PABPN1L: variants seen among roughly 807,000 people sequenced by gnomAD.
The protein encoded by PABPN1L is PABPN1 like, cytoplasmic.
Under a neutral mutation model 34.0 loss-of-function variants are expected in PABPN1L, and 45 were observed. The ratio of observed to expected loss-of-function variants is 1.32; its 90% CI spans 1.04 to 1.70. The LOEUF is 1.70. Among genes scored for constraint, PABPN1L ranks in the 40% most tolerant of loss-of-function variants. The probability of loss-of-function intolerance (pLI) is 0.00; values close to 1 mark genes in which losing one functional copy is unlikely to be tolerated. For missense variants in PABPN1L, 459 were observed against 367.8 expected (o/e 1.25, Z -2.03); for synonymous variants, 182 against 152.1 (o/e 1.20, Z -1.45).
intron 3 of PABPN1L, 53 bp from the exon 4 acceptor site, chr16:88,865,181 G>A (rs1597640358): frequency 2.0e-6 from 3 of 1,530,272 alleles, no homozygotes; most frequent in Non-Finnish European, 2.7e-6. Flanking sequence ...CCTGACTCGG[G>A]GCCTTCTTGT....
exon 6 of PABPN1L, chr16:88,864,346 T>C: frequency 1.9e-6 from 3 of 1,556,458 alleles, no homozygotes; most frequent in Non-Finnish European, 2.6e-6. Context: ...TCTGTGGAGC[T>C]GATCCCAGGG....
chr16:88,866,257 T>G, intron 1 of PABPN1L, 95 bp downstream of exon 1: 1 of 1,467,286 alleles, frequency 6.8e-7, no homozygotes, highest in African/African-American at 1.4e-5. Context: ...CCCTCCTAAG[T>G]CAGCTGCAGC....
chr16:88,864,969 T>C (rs771117959), intron 4 of PABPN1L, 29 bp from the exon 5 acceptor site: 1 of 1,307,612 alleles, frequency 7.6e-7, no homozygotes, highest in African/African-American at 1.9e-5. Context: ...AGGGGAGGGG[T>C]GAGGCTGGGC....
intron 2 of PABPN1L, 56 bp from the exon 3 acceptor site, chr16:88,865,686 A>C (rs969987490): frequency 1.3e-6 from 2 of 1,561,820 alleles, no homozygotes; most frequent in Non-Finnish European, 1.7e-6. Flanking sequence ...CACTCCTCTC[A>C]CGGGGAAGGT....
chr16:88,864,699 C>T (rs1238595547), intron 5 of PABPN1L, among the ~76,000 whole-genome samples, 154 bp downstream of exon 5: 4 of 152,148 alleles, frequency 2.6e-5, no homozygotes, highest in African/African-American at 4.8e-5. Context: ...GCTTCAGGTC[C>T]GAGGGTCCCG....
upstream of PABPN1L, chr16:88,866,773 C>T: frequency 1.1e-6 from 1 of 929,814 alleles, no homozygotes; most frequent in Non-Finnish European, 1.5e-6. Flanking sequence ...GCCTTGGCTC[C>T]CGGCCCCGCC....
At chr16:88,867,401 T>G (rs1253629631), upstream of PABPN1L, among the ~76,000 whole-genome samples, 1 of 152,128 alleles carries the variant, frequency 6.6e-6, no homozygotes, top group Non-Finnish European at 1.5e-5. Context: ...CTAATTTTTT[T>G]TGTCTTTTTA....
Position 88,864,395 on chromosome 16 carries a change from G to C in PABPN1L, c.655-16C>G. 6.4e-7 allele frequency: 1 copy of C among 1,551,788 alleles called. No individual in the cohort carries two copies. The highest frequency in any genetic ancestry group is 8.7e-7 in the Non-Finnish European group (1 of 1,147,436). On this transcript the variant is annotated splice_polypyrimidine_tract_variant and intron_variant, in intron 5 of 6. Coordinates refer to ENST00000419291, the Ensembl canonical transcript of PABPN1L. Reference sequence around the variant, plus strand: ...TCGGCAGCACCTGGAGCAAAGGCCTGTTTTGAGTCCTCCTCAAGGAGCAGC... The same window carrying C: ...TCGGCAGCACCTGGAGCAAAGGCCTCTTTTGAGTCCTCCTCAAGGAGCAGC...
rs539080605 is a variant in PABPN1L, at chr16:88,866,367, G to T, written c.240C>A (p.Cys80Ter). 2 of 1,550,154 alleles carry T rather than the reference G, an allele frequency of 1.3e-6. No individual in the cohort carries two copies. The highest frequency in any genetic ancestry group is 1.4e-5 in the African/African-American group (1 of 73,168). Residue 80 changes from cysteine to a stop codon, truncating the protein, a stop_gained, in exon 1 of 7, where the codon TGC becomes TGA. Coordinates refer to ENST00000419291, the Ensembl canonical transcript of PABPN1L. LOFTEE classifies it high-confidence loss of function. ...CAGCTGTTACCTGGTCAGGCAATGGGCACTCAGCCAGGTTCTCTTGCTCCA... is the reference window on the plus strand; with the variant it reads ...CAGCTGTTACCTGGTCAGGCAATGGTCACTCAGCCAGGTTCTCTTGCTCCA...
intron 5 of PABPN1L, among the ~76,000 whole-genome samples, 191 bp from the exon 6 acceptor site, chr16:88,864,570 A>AG (rs1218153947): frequency 2.3e-4 from 30 of 130,486 alleles, no homozygotes; most frequent in Admixed American, 5.2e-4. Flanking sequence ...ACCCCTGCAG[A>AG]GGGGGGGGTC....
At chr16:88,865,484 C>T in intron 3 of PABPN1L, 79 bp downstream of exon 3, 5 of 1,535,676 alleles carry the variant, frequency 3.3e-6, no homozygotes, top group Non-Finnish European at 3.5e-6. Context: ...GGCTGCCTGG[C>T]CCATGGCCGG....
chr16:88,865,941 C>T, exon 2 of PABPN1L: 1 of 1,606,022 alleles, frequency 6.2e-7, no homozygotes, highest in Non-Finnish European at 8.5e-7. Flanking sequence ...GCCTCCAGCT[C>T]CTGCCGACAC....
At chr16:88,863,929 T>G (rs1968511876) in intron 6 of PABPN1L, 134 bp from the exon 7 acceptor site, 3 of 964,828 alleles carry the variant, frequency 3.1e-6, no homozygotes, top group Non-Finnish European at 1.5e-6. Context: ...GGGGCCTTTC[T>G]GGTGACTCCC....
chr16:88,864,984 T>TCCG (rs1968555067), intron 4 of PABPN1L, 38 bp downstream of exon 4: 1 of 1,598,712 alleles, frequency 6.3e-7, no homozygotes. Context: ...CTGGGCCCTG[T>TCCG]CCGCATGGCC....
chr16:88,863,484 C>T, exon 7 of PABPN1L: 1 of 568,530 alleles, frequency 1.8e-6, no homozygotes, highest in South Asian at 2.1e-5. Context: ...TCCCCTCCCT[C>T]AACACCCAGA....
exon 2 of PABPN1L, chr16:88,865,809 C>A (rs184050952): frequency 6.2e-7 from 1 of 1,603,588 alleles, no homozygotes; most frequent in Non-Finnish European, 8.5e-7. Context: ...TTCCTACCCA[C>A]GGTCTCAGGG....
chr16:88,863,429 C>T (rs762659751), exon 7 of PABPN1L: 1 of 495,380 alleles, frequency 2.0e-6, no homozygotes, highest in Non-Finnish European at 3.6e-6. Context: ...AAGAGCTGAG[C>T]ATGCCAACCC....
rs1567563295 is a variant in PABPN1L, at chr16:88,864,204, GCCCCCAGGCTGCC to G, written c.797+20_797+32del. 4 of 1,493,268 alleles carry G rather than the reference GCCCCCAGGCTGCC, an allele frequency of 2.7e-6. No individual in the cohort carries two copies. The highest frequency in any genetic ancestry group is 1.7e-5 in the African/African-American group (1 of 59,226). The allele number at this position is 1,493,268 out of a possible 1,614,324, so 92.5% of individuals were successfully genotyped here. On this transcript the variant is annotated intron_variant, in intron 6 of 6. Coordinates refer to ENST00000419291, the Ensembl canonical transcript of PABPN1L. Reference sequence around the variant, plus strand: ...CCTGATGCCCTCCACCATGGCCCTCGCCCCCAGGCTGCCCCCACAGGCACCCACTCACCGGTTC... The same window carrying G: ...CCTGATGCCCTCCACCATGGCCCTCGCCCACAGGCACCCACTCACCGGTTC...
At chr16:88,869,337 CAGCCACACACTT>C (rs1051291871), upstream of PABPN1L, among the ~76,000 whole-genome samples, 1 of 152,246 alleles carries the variant, frequency 6.6e-6, no homozygotes, top group Non-Finnish European at 1.5e-5. Context: ...TGGCTCCGCA[CAGCCACACACTT>C]ACGTGTGCGT....
Sources: allele counts gnomAD v4.1 joint callset (sites outside exome capture counted in the v4.1 genomes callset), GRCh38; gene constraint gnomAD v4.1.1; transcripts MANE v1.5; gene names NCBI Gene and HGNC (gene_info 2026-07-23, HGNC 2026-07-21).